PCDH15: variants seen among roughly 807,000 people sequenced by gnomAD.
The protein encoded by PCDH15 is protocadherin related 15.
In PCDH15, 129 loss-of-function variants were observed where a neutral mutation model predicts 178.5. The ratio of observed to expected loss-of-function variants is 0.72; its 90% CI spans 0.63 to 0.84. The LOEUF is 0.84. Ranked by LOEUF, PCDH15 falls within the 40% of genes least tolerant of loss-of-function variation. The pLI is 0.00. For missense variants in PCDH15, 2,230 were observed against 2,099.9 expected (o/e 1.06, Z -1.21); for synonymous variants, 800 against 732.0 (o/e 1.09, Z -1.50).
intron 1 of PCDH15, among the ~76,000 whole-genome samples, chr10:54,695,926 C>T (rs2095216391): frequency 6.6e-6 from 1 of 151,940 alleles, no homozygotes; most frequent in Non-Finnish European, 1.5e-5. Flanking sequence ...CACCTAGTCA[C>T]CCATAAGCTC....
At chr10:55,587,731 G>C (rs1842753632) in intron 2 of PCDH15, among the ~76,000 whole-genome samples, 1 of 152,156 alleles carries the variant, frequency 6.6e-6, no homozygotes, top group Non-Finnish European at 1.5e-5. Flanking sequence ...ACTTTGAAAA[G>C]ATGCTTTCTT....
intron 4 of PCDH15, 146 bp downstream of exon 4, chr10:54,378,636 T>C (rs1948790235): frequency 1.1e-6 from 1 of 891,502 alleles, no homozygotes; most frequent in African/African-American, 1.7e-5. Context: ...CTCATTCTTC[T>C]TTAAATGAGT....
intron 2 of PCDH15, among the ~76,000 whole-genome samples, chr10:54,593,892 A>T (rs2133970131): frequency 6.6e-6 from 1 of 151,946 alleles, no homozygotes; most frequent in African/African-American, 2.4e-5. Context: ...GGCCAACTAG[A>T]TGCAGCCAGG....
At position 54,820,476 on chromosome 10, in the gene PCDH15, T is replaced by C. The variant is rs73268274; in HGVS notation, c.-29+76974A>G. Among the ~76,000 whole-genome samples, 562 of 152,200 alleles carry C rather than the reference T, an allele frequency of 3.7e-3. 1 individual carries two copies. The highest frequency in any genetic ancestry group is 0.013 in the African/African-American group (540 of 41,570). ...TCAAAGTTGACAGAAATCATGTTGA[T>C]CAAAGTTGGCCCTGCCTGGTTTAAT... On this transcript the variant is annotated intron_variant, in intron 3 of 5. Coordinates refer to the PCDH15 transcript ENST00000458638.
At position 54,089,971 on chromosome 10, in the gene PCDH15, AT is replaced by A. The variant is rs756041495; in HGVS notation, c.1997+12del. ...GTACATTTTTTTAAAGTAGGAAATC[AT>A]TTTTAACTTACGTTTCTGAAAGATT... On this transcript the variant is annotated intron_variant, in intron 16 of 37. Coordinates refer to ENST00000644397, the MANE Select transcript of PCDH15 (RefSeq NM_001384140.1). The A allele has an allele frequency of 4.0e-5, 64 of 1,592,816 alleles. No homozygotes were observed. The East Asian group carries it at 1.3e-3, about 33-fold the overall frequency.
At chr10:55,448,470 A>G (rs1020566879) in intron 2 of PCDH15, among the ~76,000 whole-genome samples, 7 of 152,108 alleles carry the variant, frequency 4.6e-5, no homozygotes, top group Middle Eastern at 6.8e-3. Flanking sequence ...TTTCCAATTT[A>G]TAAAAATATG....
intron 2 of PCDH15, among the ~76,000 whole-genome samples, chr10:54,976,876 C>T (rs1457048993): frequency 6.6e-6 from 1 of 152,078 alleles, no homozygotes; most frequent in Non-Finnish European, 1.5e-5. Flanking sequence ...CCAAGTTAAA[C>T]CATAAGCTAA....
At chr10:53,954,683 G>A (rs1014961968) in intron 23 of PCDH15, among the ~76,000 whole-genome samples, 2 of 152,102 alleles carry the variant, frequency 1.3e-5, no homozygotes, top group East Asian at 3.9e-4. Flanking sequence ...AGTCCAGAAA[G>A]GTTTGGCTTG....
intron 2 of PCDH15, among the ~76,000 whole-genome samples, chr10:55,424,034 C>T (rs918879040): frequency 6.6e-6 from 1 of 152,036 alleles, no homozygotes; most frequent in Non-Finnish European, 1.5e-5. Context: ...TCTAATATCT[C>T]AAACTATTTT....
At chr10:53,814,579 G>A (rs905510186) in intron 35 of PCDH15, among the ~76,000 whole-genome samples, 6 of 152,058 alleles carry the variant, frequency 3.9e-5, no homozygotes, top group Non-Finnish European at 7.4e-5. Flanking sequence ...AAGAGGGATA[G>A]GAACTAGCAG....
intron 2 of PCDH15, among the ~76,000 whole-genome samples, chr10:55,519,782 GTT>G (rs1841114817): frequency 6.7e-6 from 1 of 150,114 alleles, no homozygotes; most frequent in Non-Finnish European, 1.5e-5. Flanking sequence ...TAAAAGCATT[GTT>G]TCTCTCAAAA....
intron 2 of PCDH15, among the ~76,000 whole-genome samples, chr10:54,560,823 G>A (rs943268482): frequency 2.0e-5 from 3 of 151,742 alleles, no homozygotes; most frequent in Non-Finnish European, 2.9e-5. Context: ...TTTTATTTCC[G>A]AAACAAGAAA....
At chr10:54,483,860 G>A (rs74136156) in intron 3 of PCDH15, among the ~76,000 whole-genome samples, 2,272 of 151,760 alleles carry the variant, frequency 0.015, 21 homozygotes, top group Middle Eastern at 0.041. Flanking sequence ...AAGATATTTT[G>A]AATGTTTTGA....
At chr10:55,032,264 G>C (rs1010153032) in intron 2 of PCDH15, among the ~76,000 whole-genome samples, 2 of 152,162 alleles carry the variant, frequency 1.3e-5, no homozygotes, top group Non-Finnish European at 2.9e-5. Flanking sequence ...AGTGGCAAAG[G>C]CTAGGCTGTC....
chr10:53,844,536 C>T (rs138196176), intron 28 of PCDH15, among the ~76,000 whole-genome samples: 11 of 151,922 alleles, frequency 7.2e-5, no homozygotes, highest in East Asian at 5.8e-4. Context: ...AAAACAGACA[C>T]GTACACCAAT....
In PCDH15 at chr10:54,586,789, T is replaced by C. The variant is rs574244968; in HGVS notation, c.92-58912A>G. On this transcript the variant is annotated intron_variant, in intron 2 of 37. Transcript: ENST00000644397. ...GATTACAGGCATGAGCCACCACACC[T>C]GGACGGATGTGCCATAGTTTGTAAA... Among the ~76,000 whole-genome samples, 226 of 152,212 alleles carry C rather than the reference T, an allele frequency of 1.5e-3. 1 individual carries two copies. Among genetic ancestry groups the C allele is most frequent in the African/African-American group, 5.3e-3 (222 of 41,544 alleles).
intron 3 of PCDH15, among the ~76,000 whole-genome samples, chr10:54,832,811 T>C (rs1953247746): frequency 6.6e-6 from 1 of 151,958 alleles, no homozygotes; most frequent in African/African-American, 2.4e-5. Context: ...CTGTTAGGAG[T>C]GTTATGAATG....
chr10:54,885,161 A>C (rs1954333420), intron 3 of PCDH15, among the ~76,000 whole-genome samples: 1 of 152,048 alleles, frequency 6.6e-6, no homozygotes. Flanking sequence ...CCAAAAATCA[A>C]GTTGTTTTGG....
intron 1 of PCDH15, among the ~76,000 whole-genome samples, chr10:54,785,518 C>G (rs1370582668): frequency 6.6e-6 from 1 of 151,882 alleles, no homozygotes; most frequent in South Asian, 2.1e-4. Context: ...TCCTGGATCC[C>G]CTTTTGATCT....
Sources: allele counts gnomAD v4.1 joint callset (sites outside exome capture counted in the v4.1 genomes callset), GRCh38; gene constraint gnomAD v4.1.1; transcripts MANE v1.5; gene names NCBI Gene and HGNC (gene_info 2026-07-23, HGNC 2026-07-21).